DNM2: variants seen among roughly 807,000 people sequenced by gnomAD.
The protein encoded by DNM2 is dynamin 2, also known as dynamin-2.
In DNM2, 15 loss-of-function variants were observed where a neutral mutation model predicts 99.0. The ratio of observed to expected loss-of-function variants is 0.15; its 90% confidence interval spans 0.10 to 0.23. DNM2 has a LOEUF of 0.23. DNM2 is among the 10% of genes least tolerant of loss of function. The pLI, the probability that DNM2 is intolerant of heterozygous loss-of-function variation, is 1.00. For missense variants in DNM2, 742 were observed against 1,189.4 expected, an observed-to-expected ratio of 0.62 and a Z score of 5.53; for synonymous variants, 525 against 481.2, an observed-to-expected ratio of 1.09 and a Z score of -1.19.
At chr19:10,784,819 A>ATTTT (rs35575438) in intron 6 of DNM2, among the ~76,000 whole-genome samples, 1,784 of 99,378 alleles carry the variant, frequency 0.018, 32 homozygotes, top group Non-Finnish European at 0.02. Context: ...TTTTTTGATG[A>ATTTT]TTTTTTTTTT....
chr19:10,785,890 A>C (rs1415265408), intron 6 of DNM2, among the ~76,000 whole-genome samples: 1 of 146,372 alleles, frequency 6.8e-6, no homozygotes, highest in Non-Finnish European at 1.5e-5. Context: ...GGCCCACTGC[A>C]ACCTCCACCT....
chr19:10,798,317 C>G, intron 10 of DNM2, 169 bp from the exon 11 acceptor site: 2 of 651,128 alleles, frequency 3.1e-6, no homozygotes, highest in South Asian at 1.7e-5. Context: ...CACTCTTCTG[C>G]TCTTAGCTCC....
chr19:10,799,777 G>C (rs547695723), intron 11 of DNM2, among the ~76,000 whole-genome samples: 3 of 150,270 alleles, frequency 2.0e-5, no homozygotes, highest in Admixed American at 1.3e-4. Flanking sequence ...CAGGTGATCT[G>C]CCCGCCTTGG....
rs1204952427 is a variant in DNM2, at chr19:10,818,690, G to A, written c.1672-1290G>A. On this transcript the variant is annotated intron_variant, in intron 15 of 20. Transcript: ENST00000389253. The surrounding 1 kb of genome is among the most constrained non-coding windows in gnomAD (Gnocchi z 4.3). ...TGTGGCTGCTCCTGAACTTGGAGGC[G>A]GCAGCCAGGTTAGGCTTTGTGCTGG... 6.6e-6 allele frequency among the ~76,000 whole-genome samples: 1 copy of A among 152,224 alleles called. No individual in the cohort carries two copies. Among genetic ancestry groups the A allele is most frequent in the Non-Finnish European group, 1.5e-5 (1 of 68,026 alleles).
intron 18 of DNM2, 46 bp from the exon 19 acceptor site, chr19:10,828,990 G>T: frequency 6.3e-7 from 1 of 1,579,874 alleles, no homozygotes; most frequent in Non-Finnish European, 8.6e-7. Context: ...TGGGTTCTGG[G>T]TTGGGGTGAT....
At chr19:10,749,152 G>A (rs911120723) in intron 1 of DNM2, among the ~76,000 whole-genome samples, 2 of 152,184 alleles carry the variant, frequency 1.3e-5, no homozygotes, top group African/African-American at 4.8e-5. Flanking sequence ...CCACACTGCT[G>A]ACTCACCCTC....
In DNM2 at chr19:10,831,897, G is replaced by C; in HGVS notation, c.*850G>C. On this transcript the variant is annotated 3_prime_UTR_variant, in exon 21 of 21. Coordinates refer to ENST00000389253, the MANE Select transcript of DNM2 (RefSeq NM_001005361.3). The surrounding 1 kb of genome is among the most constrained non-coding windows in gnomAD (Gnocchi z 4.3). ...TAAACTAAAATAAAGGGAAGACGCT[G>C]CTGGTGGCTGCTGTGTGGGCCTCTT... The C allele has an allele frequency of 9.7e-7, 1 of 1,032,008 alleles. No homozygotes were observed. The highest frequency in any genetic ancestry group is 1.2e-6 in the Non-Finnish European group (1 of 857,386). 63.9% of individuals were successfully genotyped at this position (1,032,008 alleles called of 1,614,324 possible).
At position 10,720,222 on chromosome 19, in the gene DNM2, T is replaced by A. The variant is rs186855662; in HGVS notation, c.161+1819T>A. Reference sequence around the variant, plus strand: ...TTATTTTATTTATTTATTTATTTTTTTTTTTTTTGAGACAGAGTCTCCCTC... The same window carrying A: ...TTATTTTATTTATTTATTTATTTTTATTTTTTTTGAGACAGAGTCTCCCTC... On this transcript the variant is annotated intron_variant, in intron 1 of 20. Transcript: ENST00000389253. 9.1e-4 allele frequency among the ~76,000 whole-genome samples: 137 copies of A among 150,586 alleles called. 1 individual carries two copies. The highest frequency in any genetic ancestry group is 2.5e-3 in the African/African-American group (103 of 41,246).
intron 7 of DNM2, 81 bp from the exon 8 acceptor site, chr19:10,793,639 A>AG: frequency 2.5e-6 from 4 of 1,613,292 alleles, no homozygotes; most frequent in Non-Finnish European, 3.4e-6. Context: ...AGAACAGTAA[A>AG]CCCTGGCTTG....
chr19:10,793,298 T>G (rs1313637561), intron 7 of DNM2, among the ~76,000 whole-genome samples: 1 of 152,216 alleles, frequency 6.6e-6, no homozygotes, highest in Non-Finnish European at 1.5e-5. Flanking sequence ...ATCCCATCGA[T>G]GGGTCAGGAC....
At chr19:10,742,510 A>C (rs1398604795) in intron 1 of DNM2, among the ~76,000 whole-genome samples, 1 of 152,204 alleles carries the variant, frequency 6.6e-6, no homozygotes. Context: ...GGGCTGGGGA[A>C]GTGGCAGCCT....
intron 14 of DNM2, 190 bp downstream of exon 14, chr19:10,808,770 A>G (rs939184569): frequency 3.6e-6 from 2 of 550,476 alleles, no homozygotes; most frequent in Admixed American, 7.1e-5. Context: ...GTCGACTCAC[A>G]CAGGCACTAA....
At position 10,811,556 on chromosome 19, in the gene DNM2, G is replaced by A; in HGVS notation, c.1558-708G>A. ...CTGTGCGTGCCTCCGTGTGCTTCCT[G>A]CAGCTCCCAGGGCCCTCGTCCTGAG... On this transcript the variant is annotated intron_variant, in intron 14 of 20. Coordinates refer to ENST00000389253, the MANE Select transcript of DNM2 (RefSeq NM_001005361.3). The surrounding 1 kb of genome is among the most constrained non-coding windows in gnomAD (Gnocchi z 5.4). 1 of 381,314 alleles carries A rather than the reference G, an allele frequency of 2.6e-6. No homozygotes were observed. Among genetic ancestry groups the A allele is most frequent in the South Asian group, 1.9e-5 (1 of 52,736 alleles). 23.6% of individuals were successfully genotyped at this position (381,314 alleles called of 1,614,324 possible).
chr19:10,806,761 C>G (rs12463190), intron 13 of DNM2, among the ~76,000 whole-genome samples: 5,513 of 152,056 alleles, frequency 0.036, 438 homozygotes, highest in East Asian at 0.36. Context: ...CCACCGCACT[C>G]CAGTGTGGGT....
At chr19:10,784,535 C>T (rs2071487491) in intron 6 of DNM2, among the ~76,000 whole-genome samples, 2 of 152,170 alleles carry the variant, frequency 1.3e-5, no homozygotes, top group South Asian at 2.1e-4. Context: ...AGCCTCCTTC[C>T]ACGTGGGGTG....
chr19:10,783,305 A>G (rs910654246), intron 6 of DNM2, among the ~76,000 whole-genome samples, 185 bp downstream of exon 6: 2 of 152,188 alleles, frequency 1.3e-5, no homozygotes, highest in Non-Finnish European at 2.9e-5. Flanking sequence ...ATCTCTAGGA[A>G]AAATAGAAAA....
chr19:10,831,355 G>A lies in DNM2; in HGVS notation c.*308G>A, dbSNP rs1406409205. 3.0e-5 allele frequency: 35 copies of A among 1,155,322 alleles called. No homozygotes were observed. The highest frequency in any genetic ancestry group is 3.7e-5 in the Non-Finnish European group (35 of 937,632). The allele number at this position is 1,155,322 out of a possible 1,614,324, so 71.6% of individuals were successfully genotyped here. ...ATCCTGAATGAGGGGTCCAGCCTGG[G>A]GGGGACTCTACCAAGGTCTTCTTGG... On this transcript the variant is annotated 3_prime_UTR_variant, in exon 21 of 21. Coordinates refer to ENST00000389253, the MANE Select transcript of DNM2 (RefSeq NM_001005361.3). The surrounding 1 kb of genome is among the most constrained non-coding windows in gnomAD (Gnocchi z 4.3).
rs376174886 is a variant in DNM2, at chr19:10,728,303, G to T, written c.161+9900G>T. Among the ~76,000 whole-genome samples, 6 of 152,232 alleles carry T rather than the reference G, an allele frequency of 3.9e-5. No individual in the cohort carries two copies. In the East Asian group the frequency reaches 1.2e-3, roughly 29 times the overall value. On this transcript the variant is annotated intron_variant, in intron 1 of 20. Coordinates refer to ENST00000389253, the MANE Select transcript of DNM2 (RefSeq NM_001005361.3). ...TTAGCATCCCTGCTTTATAGGTAGA[G>T]AAACTGAGGCCAGAGAGGGAGACTG...
chr19:10,793,217 G>T (rs188281311), intron 7 of DNM2, among the ~76,000 whole-genome samples: 1 of 152,316 alleles, frequency 6.6e-6, no homozygotes, highest in African/African-American at 2.4e-5. Flanking sequence ...GGTAGATGTT[G>T]TTACCCTCAA....
Sources: gnomAD v4.1 joint callset for allele counts (sites outside exome capture counted in the v4.1 genomes callset) on GRCh38, gnomAD v4.1.1 for gene constraint, Gnocchi (gnomAD v3.1) non-coding constraint, MANE v1.5 for transcripts, NCBI Gene and HGNC (gene_info 2026-07-23, HGNC 2026-07-21) for gene names.